The following XIRP2 variants were observed in gnomAD, a reference collection of about 807,000 sequenced individuals.
XIRP2 encodes the protein xin actin-binding repeat-containing protein 2.
In XIRP2, 236 loss-of-function variants were observed where a neutral mutation model predicts 277.0. The observed-to-expected ratio is 0.85, with a 90% CI of 0.77 to 0.95. XIRP2 has a LOEUF of 0.95. XIRP2 is among the 40% of genes least tolerant of loss of function. XIRP2 has a pLI of 0.00. For missense variants in XIRP2, 4,640 were observed against 4,157.5 expected (o/e 1.12, Z -3.19); for synonymous variants, 1,490 against 1,416.5 (o/e 1.05, Z -1.17).
At chr2:167,023,543 T>G (rs1270692583) in intron 2 of XIRP2, among the ~76,000 whole-genome samples, 1 of 152,180 alleles carries the variant, frequency 6.6e-6, no homozygotes, top group South Asian at 2.1e-4. Context: ...GCCTATGTCC[T>G]GAATGGTAAT....
At position 167,241,927 on chromosome 2, in the gene XIRP2, A is replaced by G; in HGVS notation, c.1176+17A>G. The G allele has an allele frequency of 6.2e-7, 1 of 1,606,112 alleles. No individual in the cohort carries two copies. Among genetic ancestry groups the G allele is most frequent in the Non-Finnish European group, 8.5e-7 (1 of 1,177,164 alleles). On this transcript the variant is annotated intron_variant, in intron 8 of 10. Coordinates refer to ENST00000409195, the MANE Select transcript of XIRP2 (RefSeq NM_152381.6). The stretch of plus-strand genomic sequence containing the variant: ...CAGATTAAGGTAAAGTCATTTCTTT[A>G]CACAGAAACATACTAAGTGTAAGAC...
chr2:167,054,644 A>T (rs2105540778), intron 2 of XIRP2, among the ~76,000 whole-genome samples: 1 of 151,146 alleles, frequency 6.6e-6, no homozygotes, highest in African/African-American at 2.4e-5. Context: ...AAATCGCACC[A>T]CTGCACTCCA....
At chr2:166,967,508 A>G (rs1686463960) in intron 2 of XIRP2, among the ~76,000 whole-genome samples, 1 of 151,928 alleles carries the variant, frequency 6.6e-6, no homozygotes, top group Admixed American at 6.6e-5. Flanking sequence ...TACTGGAGCA[A>G]TACTTTTACC....
chr2:167,248,088 C>A lies in XIRP2; in HGVS notation c.6696C>A (p.His2232Gln), dbSNP rs370981896. ...AAATGAAAGTCTCTGAAAAAAGTCA[C>A]AATACATTTAAGGCAACCAACAAAA... ...VTEMKVSEKS[H>Q]NTFKATNKKR... Residue 2232 changes from histidine to glutamine, a missense_variant, in exon 9 of 11, where the codon CAC (histidine) becomes CAA (glutamine). Coordinates refer to ENST00000409195, the MANE Select transcript of XIRP2 (RefSeq NM_152381.6). 7 of 1,613,322 alleles carry A rather than the reference C, an allele frequency of 4.3e-6. No homozygotes were observed. In the African/African-American group the frequency reaches 9.4e-5, roughly 22 times the overall value.
At chr2:167,184,676 T>G (rs771090804) in intron 3 of XIRP2, 106 of 709,310 alleles carry the variant, frequency 1.5e-4, no homozygotes, top group Non-Finnish European at 2.4e-4. Context: ...GTACTGCTTC[T>G]GGGTCTCATT....
intron 6 of XIRP2, 47 bp from the exon 7 acceptor site, chr2:167,240,617 A>G (rs765535631): frequency 6.5e-7 from 1 of 1,534,718 alleles, no homozygotes; most frequent in South Asian, 1.1e-5. Flanking sequence ...TACTAAAATA[A>G]TTGACTTCTT....
chr2:166,935,477 A>G (rs1400249178), intron 2 of XIRP2, among the ~76,000 whole-genome samples: 2 of 152,116 alleles, frequency 1.3e-5, no homozygotes, highest in Non-Finnish European at 1.5e-5. Flanking sequence ...CGTTTGTTAC[A>G]TATGTATGCA....
intron 2 of XIRP2, among the ~76,000 whole-genome samples, chr2:167,129,588 A>G (rs942995575): frequency 6.6e-6 from 1 of 152,248 alleles, no homozygotes; most frequent in Non-Finnish European, 1.5e-5. Flanking sequence ...ATAAATATAT[A>G]TAAGTAAGAA....
rs1695774566 is a variant in XIRP2 at position 167,259,300 on chromosome 2, G to A, written c.*1483G>A. 6.2e-7 allele frequency: 1 copy of A among 1,613,122 alleles called. No individual in the cohort carries two copies. Among genetic ancestry groups the A allele is most frequent in the South Asian group, 1.1e-5 (1 of 91,008 alleles). Reference sequence around the variant, plus strand: ...CTTTGTTTCCCAGAGTGGAGGTGCAGTCAGAACAACTCACGGTGGAAGAGC... The same window carrying A: ...CTTTGTTTCCCAGAGTGGAGGTGCAATCAGAACAACTCACGGTGGAAGAGC... On this transcript the variant is annotated 3_prime_UTR_variant, in exon 11 of 11. Coordinates refer to ENST00000409195, the MANE Select transcript of XIRP2 (RefSeq NM_152381.6).
chr2:167,249,922 C>T lies in XIRP2; in HGVS notation c.8530C>T (p.Leu2844=), dbSNP rs200004094. ...AATAACTGAAAGAAAACACGAACATCTGAAGAATAAATCAGCACCAAAGGT... is the reference window on the plus strand; with the variant it reads ...AATAACTGAAAGAAAACACGAACATTTGAAGAATAAATCAGCACCAAAGGT... ...RLITERKHEH[L]KNKSAPKVVK... is the part of the protein sequence containing the mutation. Residue 2844 remains leucine (L), a synonymous_variant, in exon 9 of 11, where the codon CTG becomes TTG. Coordinates refer to ENST00000409195, the MANE Select transcript of XIRP2 (RefSeq NM_152381.6). 7.2e-5 allele frequency: 116 copies of T among 1,613,524 alleles called. No individual in the cohort carries two copies. In the Middle Eastern group the frequency reaches 1.3e-3, roughly 18 times the overall value.
chr2:167,233,679 CCT>C (rs1295025771), intron 5 of XIRP2, among the ~76,000 whole-genome samples: 2 of 151,550 alleles, frequency 1.3e-5, no homozygotes, highest in Admixed American at 6.6e-5. Context: ...ACACATGTTA[CCT>C]CTGTTTTTCT....
Position 167,014,402 on chromosome 2 carries a change from G to T in XIRP2, c.408+110512G>T, listed in dbSNP as rs562670916. 1.8e-4 allele frequency among the ~76,000 whole-genome samples: 27 copies of T among 151,748 alleles called. No homozygotes were observed. In the South Asian group the frequency reaches 5.2e-3, roughly 29 times the overall value. ...GTATAACAACAGAGAAAATCAAGAA[G>T]ATATTGTTTCCACAAAAGAATACAA... On this transcript the variant is annotated intron_variant, in intron 2 of 10. Coordinates refer to ENST00000409195, the MANE Select transcript of XIRP2 (RefSeq NM_152381.6).
chr2:167,155,151 G>A lies in XIRP2; in HGVS notation c.562+19089G>A, dbSNP rs533844858. Among the ~76,000 whole-genome samples the A allele has an allele frequency of 2.2e-4, 33 of 149,986 alleles. No homozygotes were observed. The South Asian group carries it at 5.7e-3, about 26-fold the overall frequency. On this transcript the variant is annotated intron_variant, in intron 3 of 10. Coordinates refer to ENST00000409195, the MANE Select transcript of XIRP2 (RefSeq NM_152381.6). Reference sequence around the variant, plus strand: ...TCCAGGACCAGATGGATTCACAGCCGAATTCTACCAGAGGTACAAGGAGGA... The same window carrying A: ...TCCAGGACCAGATGGATTCACAGCCAAATTCTACCAGAGGTACAAGGAGGA...
At chr2:167,257,677 A>G (rs892023698) in intron 10 of XIRP2, among the ~76,000 whole-genome samples, 180 bp from the exon 11 acceptor site, 7 of 152,008 alleles carry the variant, frequency 4.6e-5, no homozygotes, top group African/African-American at 1.7e-4. Flanking sequence ...ACTGCAAGAC[A>G]TACATCATAT....
intron 5 of XIRP2, among the ~76,000 whole-genome samples, chr2:167,236,447 TG>T (rs1050518536): frequency 2.0e-5 from 3 of 152,020 alleles, no homozygotes; most frequent in African/African-American, 7.2e-5. Context: ...GTGATATAGT[TG>T]GTTAATATAT....
intron 2 of XIRP2, among the ~76,000 whole-genome samples, chr2:167,027,678 G>A (rs969165447): frequency 1.3e-5 from 2 of 151,992 alleles, no homozygotes; most frequent in African/African-American, 4.8e-5. Context: ...GTACAGATGG[G>A]TTTTTGGTGT....
chr2:167,187,829 G>A (rs935453570), intron 3 of XIRP2, among the ~76,000 whole-genome samples: 2 of 151,974 alleles, frequency 1.3e-5, no homozygotes, highest in African/African-American at 4.8e-5. Context: ...CAAATAAGAG[G>A]GAAAGCACAG....
intron 2 of XIRP2, among the ~76,000 whole-genome samples, chr2:167,040,570 GTTT>G (rs779558357): frequency 6.6e-5 from 10 of 152,258 alleles, no homozygotes; most frequent in Non-Finnish European, 1.3e-4. Context: ...AGTCCAGGTG[GTTT>G]GGCCAGGGAA....
At chr2:167,197,354 G>A (rs1040105334) in intron 3 of XIRP2, among the ~76,000 whole-genome samples, 8 of 152,138 alleles carry the variant, frequency 5.3e-5, no homozygotes, top group African/African-American at 1.7e-4. Context: ...GAAAAGACAA[G>A]CATTAACTTT....
Sources: allele counts gnomAD v4.1 joint callset (sites outside exome capture counted in the v4.1 genomes callset), GRCh38; gene constraint gnomAD v4.1.1; transcripts MANE v1.5; gene names NCBI Gene and HGNC (gene_info 2026-07-23, HGNC 2026-07-21).